The following PCDHA1 variants were observed in gnomAD, a reference collection of about 807,000 sequenced individuals.
PCDHA1 encodes protocadherin alpha-1.
PCDHA1 carries 42 observed loss-of-function variants against 61.3 expected under a neutral mutation model. The ratio of observed to expected loss-of-function variants is 0.69; its 90% CI spans 0.54 to 0.89. The LOEUF (loss-of-function observed/expected upper bound fraction) is 0.89, where lower values mean the gene tolerates loss of function less well. PCDHA1 is among the 40% of genes least tolerant of loss of function. The probability of loss-of-function intolerance (pLI) is 0.00; values close to 1 mark genes in which losing one functional copy is unlikely to be tolerated. For missense variants in PCDHA1, 1,256 were observed against 1,235.3 expected, an observed-to-expected ratio of 1.02 and a Z score of -0.25; for synonymous variants, 610 against 553.8, an observed-to-expected ratio of 1.10 and a Z score of -1.43.
chr5:141,010,232 A>C lies in PCDHA1; in HGVS notation c.*295A>C. The C allele has an allele frequency of 1.3e-6, 2 of 1,551,952 alleles. No individual in the cohort carries two copies. The highest frequency in any genetic ancestry group is 1.7e-6 in the Non-Finnish European group (2 of 1,147,050). The stretch of plus-strand genomic sequence containing the variant: ...AAAGGAGAGGCTTCCCAGCCCCGCC[A>C]GTGAGAGGTTGGACTCTCTGCCCTG... On this transcript the variant is annotated 3_prime_UTR_variant, in exon 4 of 4. Coordinates refer to ENST00000504120, the MANE Select transcript of PCDHA1 (RefSeq NM_018900.4).
At chr5:140,871,131 G>A (rs781968741) in intron 1 of PCDHA1, 2 of 1,613,386 alleles carry the variant, frequency 1.2e-6, no homozygotes, top group South Asian at 2.2e-5. Flanking sequence ...AGGCGCCAAA[G>A]GCCTCTTCCC....
intron 1 of PCDHA1, chr5:140,809,664 G>A (rs1554125341): frequency 2.0e-6 from 3 of 1,474,750 alleles, no homozygotes; most frequent in Non-Finnish European, 2.7e-6. Context: ...AATTTCCCTG[G>A]GTTAAAATTT....
In PCDHA1 at chr5:140,786,170, C is replaced by T. The variant is rs570215817; in HGVS notation, c.-121C>T. 1 of 1,313,724 alleles carries T rather than the reference C, an allele frequency of 7.6e-7. No homozygotes were observed. Among genetic ancestry groups the T allele is most frequent in the East Asian group, 2.3e-5 (1 of 43,064 alleles). 81.4% of individuals were successfully genotyped at this position (1,313,724 alleles called of 1,614,324 possible). A position where few individuals can be genotyped will look rare whatever the true frequency, so the allele number is the denominator to read the frequency against. On this transcript the variant is annotated 5_prime_UTR_variant, in exon 1 of 4. Transcript: ENST00000504120. Reference sequence around the variant, plus strand: ...TCACTAAAAGTGAAGGAGGAAGCTCCATTTTGTCACCGCCTGAGAGAAGAC... The same window carrying T: ...TCACTAAAAGTGAAGGAGGAAGCTCTATTTTGTCACCGCCTGAGAGAAGAC...
At chr5:140,871,297 G>T (rs781824958) in intron 1 of PCDHA1, 1 of 1,613,896 alleles carries the variant, frequency 6.2e-7, no homozygotes, top group Non-Finnish European at 8.5e-7. Flanking sequence ...GGGCGCGTGC[G>T]CGCCGGGGAA....
intron 1 of PCDHA1, chr5:140,854,657 T>C (rs1554147373): frequency 6.7e-6 from 1 of 149,998 alleles, no homozygotes; most frequent in Non-Finnish European, 1.5e-5. Context: ...ATAAAATAAA[T>C]TAACCCTTGC....
intron 1 of PCDHA1, chr5:140,803,190 G>T (rs1763140859): frequency 2.5e-6 from 4 of 1,613,946 alleles, no homozygotes; most frequent in Non-Finnish European, 3.4e-6. Context: ...CACGGCCACT[G>T]TGCTGGTGTC....
intron 1 of PCDHA1, among the ~76,000 whole-genome samples, chr5:140,959,868 C>A (rs532801353): frequency 8.5e-5 from 13 of 152,248 alleles, no homozygotes; most frequent in African/African-American, 2.9e-4. Flanking sequence ...GTAGCAAAAT[C>A]TGTCAAGGAA....
intron 1 of PCDHA1, chr5:140,883,443 A>AT (rs1554178222): frequency 6.2e-7 from 1 of 1,614,136 alleles, no homozygotes; most frequent in Admixed American, 1.7e-5. Flanking sequence ...TTGACGCCGC[A>AT]TGTCCCCTTC....
intron 1 of PCDHA1, among the ~76,000 whole-genome samples, chr5:140,950,831 TTAAGAC>T (rs1337916001): frequency 6.6e-6 from 1 of 152,128 alleles, no homozygotes; most frequent in Non-Finnish European, 1.5e-5. Flanking sequence ...GTTTGGTCCT[TTAAGAC>T]TATACATTTC....
At chr5:140,817,805 GT>G (rs1213534688) in intron 1 of PCDHA1, among the ~76,000 whole-genome samples, 1 of 152,064 alleles carries the variant, frequency 6.6e-6, no homozygotes, top group Non-Finnish European at 1.5e-5. Context: ...AAACCTTTAC[GT>G]TTTTATATAT....
chr5:140,817,488 G>A (rs1554127270), intron 1 of PCDHA1: 3 of 152,116 alleles, frequency 2.0e-5, no homozygotes, highest in Non-Finnish European at 4.4e-5. Context: ...ATCTTTTTAA[G>A]CTATATATGC....
At chr5:140,830,548 A>G in intron 1 of PCDHA1, 1 of 1,123,746 alleles carries the variant, frequency 8.9e-7, no homozygotes, top group Non-Finnish European at 1.2e-6. Context: ...TTTTCCTCAT[A>G]TTTGTCTTCT....
chr5:140,857,662 T>A (rs782577621), intron 1 of PCDHA1: 2 of 1,596,528 alleles, frequency 1.3e-6, no homozygotes, highest in Non-Finnish European at 1.7e-6. Flanking sequence ...GCGCGCGCGA[T>A]GGGGGCGTGC....
In PCDHA1 at chr5:140,828,269, G is replaced by A. The variant is rs201116419; in HGVS notation, c.2394+39585G>A. The A allele has an allele frequency of 1.1e-4, 175 of 1,613,940 alleles. No individual in the cohort carries two copies. The highest frequency in any genetic ancestry group is 8.3e-5 in the Admixed American group (5 of 60,012). On this transcript the variant is annotated intron_variant, in intron 1 of 3. Transcript: ENST00000504120. ...CCTGGGGCTGGAGCTGGCGGAGCTG[G>A]TGCCGCGCCTGTTCAGGATGGCCTC...
At chr5:140,902,102 G>A (rs1407664200) in intron 1 of PCDHA1, among the ~76,000 whole-genome samples, 1 of 151,098 alleles carries the variant, frequency 6.6e-6, no homozygotes, top group African/African-American at 2.4e-5. Context: ...GGAGTCTTTA[G>A]ATTTTTTTAA....
At chr5:140,989,802 G>C (rs2153885493) in intron 3 of PCDHA1, among the ~76,000 whole-genome samples, 2 of 152,336 alleles carry the variant, frequency 1.3e-5, no homozygotes, top group South Asian at 4.1e-4. Flanking sequence ...CCAGGAAAGG[G>C]CCATAAGATT....
At chr5:140,869,722 G>C in intron 1 of PCDHA1, 6 of 1,613,324 alleles carry the variant, frequency 3.7e-6, no homozygotes, top group Non-Finnish European at 5.1e-6. Context: ...GAAAACTCCG[G>C]AACTTAATTT....
chr5:140,828,274 G>A (rs1554131158), intron 1 of PCDHA1: 4 of 1,613,956 alleles, frequency 2.5e-6, no homozygotes, highest in African/African-American at 1.3e-5. Flanking sequence ...AGCTGGTGCC[G>A]CGCCTGTTCA....
chr5:140,891,931 G>A (rs2063313924), intron 1 of PCDHA1, among the ~76,000 whole-genome samples: 1 of 152,168 alleles, frequency 6.6e-6, no homozygotes, highest in Non-Finnish European at 1.5e-5. Flanking sequence ...CTTGATCTTG[G>A]ACTTCCCCTA....
Sources: gnomAD v4.1 joint callset for allele counts (sites outside exome capture counted in the v4.1 genomes callset) on GRCh38, gnomAD v4.1.1 for gene constraint, MANE v1.5 for transcripts, NCBI Gene and HGNC (gene_info 2026-07-23, HGNC 2026-07-21) for gene names.